RAPH1: variants seen among roughly 807,000 people sequenced by gnomAD.
RAPH1 encodes the protein ras-associated and pleckstrin homology domains-containing protein 1.
Under a neutral mutation model 88.1 loss-of-function variants are expected in RAPH1, and 18 were observed. That is an observed-to-expected ratio of 0.20 (90% CI 0.14 to 0.30). RAPH1 has a LOEUF of 0.30. Among genes scored for constraint, RAPH1 ranks in the 10% least tolerant of loss-of-function variants. The pLI is 1.00. For synonymous variants in RAPH1, 587 were observed against 559.0 expected, an observed-to-expected ratio of 1.05 and a Z score of -0.71; for missense variants, 1,448 against 1,543.2, an observed-to-expected ratio of 0.94 and a Z score of 1.03.
chr2:203,439,902 G>A lies in RAPH1; in HGVS notation c.3288C>T (p.Asn1096=), dbSNP rs762686791. Residue 1096 remains asparagine, a synonymous_variant, in exon 14 of 14, where the codon AAC becomes AAT. Transcript: ENST00000319170. The part of the protein sequence containing the change: ...PIEIPAVFSG[N]TSPKVAVVNP... ...TAACGACTGCCACTTTTGGAGAGGTGTTTCCCGAGAAAACTGCTGGAATCT... is the reference window on the plus strand; with the variant it reads ...TAACGACTGCCACTTTTGGAGAGGTATTTCCCGAGAAAACTGCTGGAATCT... 14 of 1,613,890 alleles carry A rather than the reference G, an allele frequency of 8.7e-6. 1 individual carries two copies. In the South Asian group the frequency reaches 1.5e-4, roughly 18 times the overall value.
intron 4 of RAPH1, among the ~76,000 whole-genome samples, chr2:203,482,559 GA>G (rs368513128): frequency 7.2e-5 from 11 of 151,936 alleles, no homozygotes; most frequent in African/African-American, 2.2e-4. Context: ...ATATTATGAT[GA>G]AAAAAATCCT....
rs192404041 is a variant in RAPH1, at chr2:203,512,243, A to G, written c.1-16890T>C. On this transcript the variant is annotated intron_variant, in intron 1 of 13. Transcript: ENST00000319170. ...CAGAAGTTGGAGCCCAGCCTGGCCA[A>G]CATGACGAAACCCTGTCTCTACTAA... Among the ~76,000 whole-genome samples, 180 of 151,856 alleles carry G rather than the reference A, an allele frequency of 1.2e-3. 1 individual carries two copies. Among genetic ancestry groups the G allele is most frequent in the Middle Eastern group, 3.4e-3 (1 of 290 alleles).
chr2:203,492,993 C>T (rs1046422952), intron 2 of RAPH1, among the ~76,000 whole-genome samples: 1 of 152,050 alleles, frequency 6.6e-6, no homozygotes, highest in African/African-American at 2.4e-5. Context: ...CCACTGAGTA[C>T]GTGATACAGG....
At chr2:203,506,903 T>A (rs1245345061) in intron 1 of RAPH1, among the ~76,000 whole-genome samples, 1 of 119,244 alleles carries the variant, frequency 8.4e-6, no homozygotes, top group South Asian at 2.4e-4. Context: ...TATATATTTT[T>A]TTTTTTTTTG....
At chr2:203,441,852 G>A in intron 13 of RAPH1, 1 of 1,338,650 alleles carries the variant, frequency 7.5e-7, no homozygotes, top group Non-Finnish European at 9.6e-7. Flanking sequence ...TCCACATCAA[G>A]CAGATGCTAT....
intron 1 of RAPH1, among the ~76,000 whole-genome samples, chr2:203,512,919 C>T (rs967397764): frequency 1.3e-5 from 2 of 152,052 alleles, no homozygotes; most frequent in East Asian, 1.9e-4. Flanking sequence ...CCACCGCGCC[C>T]GGCCATCCCT....
At chr2:203,506,731 T>C (rs1187398639) in intron 1 of RAPH1, among the ~76,000 whole-genome samples, 1 of 116,310 alleles carries the variant, frequency 8.6e-6, no homozygotes, top group Non-Finnish European at 1.6e-5. Context: ...AATCCATATA[T>C]AGATATATAT....
rs2098498062 is a variant in RAPH1, at chr2:203,435,788, T to G, written c.*3649A>C. On this transcript the variant is annotated 3_prime_UTR_variant, in exon 14 of 14. Coordinates refer to ENST00000319170, the MANE Select transcript of RAPH1 (RefSeq NM_213589.3). ...GGTTTTTTACCTGTTTAAAGTCACT[T>G]TGTGTTTATAACAAAATTACTTTTA... 6.6e-6 allele frequency: 1 copy of G among 152,232 alleles called. No homozygotes were observed. The highest frequency in any genetic ancestry group is 2.4e-5 in the African/African-American group (1 of 41,470). 9.4% of individuals were successfully genotyped at this position (152,232 alleles called of 1,614,324 possible).
chr2:203,508,231 A>G (rs551077401), intron 1 of RAPH1, among the ~76,000 whole-genome samples: 2 of 151,222 alleles, frequency 1.3e-5, no homozygotes, highest in South Asian at 4.2e-4. Flanking sequence ...CAAAAAAAAA[A>G]AAAAAAAAAA....
intron 1 of RAPH1, among the ~76,000 whole-genome samples, chr2:203,506,816 A>G (rs1451522997): frequency 3.4e-5 from 3 of 87,752 alleles, no homozygotes; most frequent in South Asian, 3.8e-4. Context: ...CTATATCTAT[A>G]TATCTATATA....
chr2:203,513,218 G>GA (rs397937900), intron 1 of RAPH1, among the ~76,000 whole-genome samples: 8 of 150,882 alleles, frequency 5.3e-5, no homozygotes, highest in African/African-American at 1.7e-4. Context: ...ATGGGGGGGG[G>GA]AATAGATGAA....
intron 8 of RAPH1, among the ~76,000 whole-genome samples, chr2:203,455,907 G>A (rs967171161): frequency 6.6e-6 from 1 of 151,540 alleles, no homozygotes. Context: ...TATGTGGGCA[G>A]CTGAGGCACA....
chr2:203,461,750 T>C, intron 5 of RAPH1, 98 bp downstream of exon 5: 2 of 831,940 alleles, frequency 2.4e-6, no homozygotes, highest in South Asian at 2.0e-5. Context: ...CCTGTATCTC[T>C]CCATATCTTA....
At chr2:203,465,118 A>G (rs2098527468) in intron 4 of RAPH1, among the ~76,000 whole-genome samples, 1 of 152,204 alleles carries the variant, frequency 6.6e-6, no homozygotes, top group South Asian at 2.1e-4. Flanking sequence ...TTACCATACA[A>G]TTCAATTCAG....
intron 1 of RAPH1, among the ~76,000 whole-genome samples, chr2:203,530,845 T>C (rs1690358000): frequency 6.6e-6 from 1 of 151,842 alleles, no homozygotes; most frequent in African/African-American, 2.4e-5. Flanking sequence ...TGAGCTGAGA[T>C]TGTGCCATTG....
chr2:203,465,849 GC>G (rs35873175), intron 4 of RAPH1, among the ~76,000 whole-genome samples: 1 of 152,086 alleles, frequency 6.6e-6, no homozygotes, highest in South Asian at 2.1e-4. Context: ...CTATACTCCA[GC>G]CTGGGTGACA....
intron 1 of RAPH1, among the ~76,000 whole-genome samples, chr2:203,520,430 C>G (rs1392002490): frequency 6.6e-6 from 1 of 151,586 alleles, no homozygotes; most frequent in Admixed American, 6.6e-5. Flanking sequence ...GAGATCGAAA[C>G]CAGCCTGGCC....
intron 1 of RAPH1, among the ~76,000 whole-genome samples, chr2:203,511,266 C>CT (rs145841853): frequency 0.021 from 3,055 of 147,862 alleles, 124 homozygotes; most frequent in African/African-American, 0.073. Flanking sequence ...AGGTACATTT[C>CT]TTTAAAAAAA....
chr2:203,530,670 T>A (rs1690349488), intron 1 of RAPH1, among the ~76,000 whole-genome samples: 2 of 152,158 alleles, frequency 1.3e-5, no homozygotes, highest in Admixed American at 1.3e-4. Context: ...GGTAGGTAGA[T>A]CACCTGAGGT....
Sources: allele counts gnomAD v4.1 joint callset (sites outside exome capture counted in the v4.1 genomes callset), GRCh38; gene constraint gnomAD v4.1.1; transcripts MANE v1.5; gene names NCBI Gene and HGNC (gene_info 2026-07-23, HGNC 2026-07-21).